Variants in HEATR5A observed in about 807,000 individuals in gnomAD.
HEATR5A encodes HEAT repeat containing 5A.
Under a neutral mutation model 218.8 loss-of-function variants are expected in HEATR5A, and 178 were observed. The observed-to-expected ratio is 0.81, with a 90% CI of 0.72 to 0.92. HEATR5A has a LOEUF of 0.92. Ranked by LOEUF, HEATR5A falls within the 40% of genes least tolerant of loss-of-function variation. The pLI is 0.00. For missense variants in HEATR5A, 2,420 were observed against 2,418.9 expected, an observed-to-expected ratio of 1.00 and a Z score of -0.01; for synonymous variants, 864 against 871.6, an observed-to-expected ratio of 0.99 and a Z score of 0.15.
chr14:31,307,858 C>G, intron 30 of HEATR5A, 35 bp downstream of exon 30: 3 of 1,601,138 alleles, frequency 1.9e-6, no homozygotes, highest in Non-Finnish European at 2.6e-6. Context: ...TTAAAGACTA[C>G]AGAAGCCTTA....
At chr14:31,329,361 A>G (rs1900384217) in intron 22 of HEATR5A, among the ~76,000 whole-genome samples, 1 of 152,216 alleles carries the variant, frequency 6.6e-6, no homozygotes, top group South Asian at 2.1e-4. Flanking sequence ...TGTAAAATCA[A>G]AAGCAAGTTA....
intron 3 of HEATR5A, 131 bp from the exon 4 acceptor site, chr14:31,398,912 C>T (rs531826812): frequency 3.8e-5 from 23 of 603,908 alleles, no homozygotes; most frequent in Middle Eastern, 2.6e-4. Context: ...TTGTATTATC[C>T]TTTGAAACAC....
At chr14:31,307,018 C>T (rs1165843263) in intron 30 of HEATR5A, 139 bp from the exon 31 acceptor site, 15 of 684,440 alleles carry the variant, frequency 2.2e-5, no homozygotes, top group East Asian at 8.6e-5. Context: ...AGTTAAGTAA[C>T]GCTCCATTTT....
intron 21 of HEATR5A, among the ~76,000 whole-genome samples, 187 bp downstream of exon 21, chr14:31,343,709 G>C (rs1423787524): frequency 2.6e-5 from 4 of 152,144 alleles, no homozygotes; most frequent in African/African-American, 9.7e-5. Context: ...TAATAGAAGA[G>C]AGACTTAGGA....
intron 12 of HEATR5A, among the ~76,000 whole-genome samples, chr14:31,372,135 C>G (rs1301298751): frequency 6.6e-6 from 1 of 150,548 alleles, no homozygotes; most frequent in Non-Finnish European, 1.5e-5. Context: ...GAGCAATAAC[C>G]ATATTCACAA....
intron 21 of HEATR5A, among the ~76,000 whole-genome samples, chr14:31,343,015 G>A (rs1286547540): frequency 2.6e-5 from 4 of 152,138 alleles, no homozygotes; most frequent in Non-Finnish European, 4.4e-5. Flanking sequence ...AAAAGCCATG[G>A]TGCCAATTTA....
At chr14:31,403,707 A>C (rs1169675217) in intron 1 of HEATR5A, among the ~76,000 whole-genome samples, 1 of 152,210 alleles carries the variant, frequency 6.6e-6, no homozygotes, top group Non-Finnish European at 1.5e-5. Flanking sequence ...ATCTGCTCTG[A>C]CCTAGATCCA....
intron 22 of HEATR5A, among the ~76,000 whole-genome samples, chr14:31,332,131 G>T (rs771719175): frequency 2.6e-5 from 4 of 152,204 alleles, no homozygotes; most frequent in Non-Finnish European, 4.4e-5. Flanking sequence ...TTAAGTAGAT[G>T]AATCAACATG....
intron 13 of HEATR5A, among the ~76,000 whole-genome samples, chr14:31,364,521 A>G (rs140026512): frequency 2.4e-4 from 36 of 152,180 alleles, no homozygotes; most frequent in African/African-American, 8.2e-4. Flanking sequence ...GTGGGCTCAA[A>G]CGATTCTCCC....
At chr14:31,389,124 C>T (rs1463164871) in intron 6 of HEATR5A, 119 bp from the exon 7 acceptor site, 1 of 904,296 alleles carries the variant, frequency 1.1e-6, no homozygotes, top group African/African-American at 1.6e-5. Flanking sequence ...AAACAAAATG[C>T]AAAATTTACA....
chr14:31,308,070 A>C (rs772929942), intron 29 of HEATR5A, 50 bp from the exon 30 acceptor site: 1 of 1,506,494 alleles, frequency 6.6e-7, no homozygotes, highest in Admixed American at 2.4e-5. Flanking sequence ...TTATTAGTTT[A>C]TGAAATTAAG....
intron 4 of HEATR5A, among the ~76,000 whole-genome samples, chr14:31,398,429 C>T (rs556600353): frequency 3.3e-5 from 5 of 152,242 alleles, no homozygotes; most frequent in Admixed American, 6.5e-5. Flanking sequence ...AAGTGGAATA[C>T]GTTAGTTTTC....
intron 1 of HEATR5A, among the ~76,000 whole-genome samples, chr14:31,404,601 T>C (rs920189020): frequency 3.3e-5 from 5 of 152,068 alleles, no homozygotes; most frequent in African/African-American, 7.2e-5. Flanking sequence ...CATAAGAAGA[T>C]TGCACATAAA....
intron 22 of HEATR5A, among the ~76,000 whole-genome samples, chr14:31,333,373 T>A (rs1278702463): frequency 6.6e-6 from 1 of 151,978 alleles, no homozygotes; most frequent in Non-Finnish European, 1.5e-5. Context: ...CTCAGTCTCC[T>A]GAGTAGCTGG....
chr14:31,385,359 G>T (rs2030174400), intron 9 of HEATR5A, among the ~76,000 whole-genome samples: 1 of 151,936 alleles, frequency 6.6e-6, no homozygotes, highest in Admixed American at 6.6e-5. Flanking sequence ...CTTGAACTCA[G>T]CTCAAGCAAT....
intron 10 of HEATR5A, among the ~76,000 whole-genome samples, chr14:31,382,895 A>G (rs2030053067): frequency 6.6e-6 from 1 of 151,462 alleles, no homozygotes; most frequent in African/African-American, 2.4e-5. Flanking sequence ...GTATTCCTTG[A>G]TGACTTCCTT....
At chr14:31,359,365 A>G (rs1901539102) in intron 14 of HEATR5A, among the ~76,000 whole-genome samples, 1 of 152,094 alleles carries the variant, frequency 6.6e-6, no homozygotes, top group Admixed American at 6.6e-5. Flanking sequence ...ATATAAAAAT[A>G]GATGTAAAAA....
chr14:31,312,446 CTT>C (rs1899787095), intron 28 of HEATR5A, among the ~76,000 whole-genome samples: 1 of 149,028 alleles, frequency 6.7e-6, no homozygotes, highest in South Asian at 2.1e-4. Flanking sequence ...GAGTCTCACT[CTT>C]GTCACCTAGG....
At chr14:31,384,528 CTTTT>C (rs202158979) in intron 9 of HEATR5A, among the ~76,000 whole-genome samples, 1 of 136,834 alleles carries the variant, frequency 7.3e-6, no homozygotes. Flanking sequence ...AATTCATATA[CTTTT>C]TTTTTTTTTT....
Sources: gnomAD v4.1 joint callset for allele counts (sites outside exome capture counted in the v4.1 genomes callset) on GRCh38, gnomAD v4.1.1 for gene constraint, MANE v1.5 for transcripts, NCBI Gene and HGNC (gene_info 2026-07-23, HGNC 2026-07-21) for gene names.